Variants in PABPC4L observed in about 807,000 individuals in gnomAD.
PABPC4L encodes polyadenylate-binding protein 4-like.
For missense variants in PABPC4L, 452 were observed against 451.4 expected, an observed-to-expected ratio of 1.00 and a Z score of -0.01; for synonymous variants, 169 against 164.1, an observed-to-expected ratio of 1.03 and a Z score of -0.23.
chr4:134,090,277 T>C, the PABPC4L span, among the ~76,000 whole-genome samples: 1 of 152,186 alleles, frequency 6.6e-6, no homozygotes, highest in African/African-American at 2.4e-5. Context: ...CTTAATTGTT[T>C]GGTGTCTTGT....
the PABPC4L span, among the ~76,000 whole-genome samples, chr4:134,144,516 G>A: frequency 6.7e-6 from 1 of 149,122 alleles, no homozygotes; most frequent in Non-Finnish European, 1.5e-5. Context: ...TCCGACTGAA[G>A]CAGGGACACA....
chr4:133,980,991 T>C, the PABPC4L span, among the ~76,000 whole-genome samples: 1 of 151,878 alleles, frequency 6.6e-6, no homozygotes, highest in Non-Finnish European at 1.5e-5. Context: ...TGAAACCCCA[T>C]CTCTAATAAA....
the PABPC4L span, among the ~76,000 whole-genome samples, chr4:134,149,213 C>T: frequency 2.0e-5 from 3 of 152,174 alleles, no homozygotes; most frequent in Middle Eastern, 0.01. Context: ...AACACATACC[C>T]GTTCCCAAGT....
At chr4:134,092,059 T>C in the PABPC4L span, among the ~76,000 whole-genome samples, 2 of 152,008 alleles carry the variant, frequency 1.3e-5, no homozygotes, top group African/African-American at 4.8e-5. Flanking sequence ...TTATGGAGCA[T>C]TGAGACTGTT....
At chr4:133,985,941 C>A in the PABPC4L span, among the ~76,000 whole-genome samples, 1 of 152,012 alleles carries the variant, frequency 6.6e-6, no homozygotes, top group Non-Finnish European at 1.5e-5. Context: ...TGAATAATGT[C>A]AAGCTCAGTA....
the PABPC4L span, among the ~76,000 whole-genome samples, chr4:133,996,428 G>A: frequency 4.6e-5 from 7 of 152,070 alleles, no homozygotes; most frequent in East Asian, 3.9e-4. Context: ...CCTGCGAGAC[G>A]AAGGCTCCAC....
the PABPC4L span, among the ~76,000 whole-genome samples, chr4:134,104,865 A>G: frequency 6.6e-6 from 1 of 151,804 alleles, no homozygotes; most frequent in African/African-American, 2.4e-5. Context: ...TATTTGTTAT[A>G]CAGAAGCAAA....
At chr4:134,189,383 TTGACAGGCA>T in the PABPC4L span, among the ~76,000 whole-genome samples, 2 of 151,584 alleles carry the variant, frequency 1.3e-5, no homozygotes, top group African/African-American at 2.4e-5. Flanking sequence ...ATCTTTTTTG[TTGACAGGCA>T]GATGTGTGTA....
the PABPC4L span, among the ~76,000 whole-genome samples, chr4:134,080,172 G>A: frequency 1.3e-5 from 2 of 151,854 alleles, no homozygotes; most frequent in Non-Finnish European, 2.9e-5. Flanking sequence ...CCTTAAATTT[G>A]CATCTATTTT....
At chr4:134,149,164 G>A in the PABPC4L span, among the ~76,000 whole-genome samples, 2 of 152,064 alleles carry the variant, frequency 1.3e-5, no homozygotes, top group Non-Finnish European at 2.9e-5. Flanking sequence ...TAACCTTTGA[G>A]TAGAATTGCT....
the PABPC4L span, among the ~76,000 whole-genome samples, chr4:134,121,493 T>C: frequency 6.6e-6 from 1 of 151,642 alleles, no homozygotes; most frequent in Non-Finnish European, 1.5e-5. Context: ...ATTGAGATGG[T>C]TCGGAGCTAA....
At chr4:134,017,249 C>G in the PABPC4L span, among the ~76,000 whole-genome samples, 3 of 152,100 alleles carry the variant, frequency 2.0e-5, no homozygotes, top group African/African-American at 4.8e-5. Context: ...AAAAGGACTA[C>G]ACAATACTTT....
chr4:134,150,744 T>A, the PABPC4L span, among the ~76,000 whole-genome samples: 1 of 152,300 alleles, frequency 6.6e-6, no homozygotes, highest in African/African-American at 2.4e-5. Flanking sequence ...TCATGGGATT[T>A]GTGTTAAAGT....
At position 134,200,291 on chromosome 4, in the gene PABPC4L, G is replaced by A; in HGVS notation, c.729C>T (p.Ala243=). 6.3e-7 allele frequency: 1 copy of A among 1,576,238 alleles called. No homozygotes were observed. ...GFVSFDSHEA[A]KKAVEEMNGR... is the part of the protein sequence containing the mutation. Reference sequence around the variant, plus strand: ...CATTCATTTCTTCAACAGCTTTCTTGGCAGCCTCATGGCTATCAAAACTCA... The same window carrying A: ...CATTCATTTCTTCAACAGCTTTCTTAGCAGCCTCATGGCTATCAAAACTCA... Residue 243 remains alanine, a synonymous_variant, in exon 2 of 2, where the codon GCC becomes GCT. Transcript: ENST00000421491.
the PABPC4L span, among the ~76,000 whole-genome samples, chr4:134,135,360 A>T: frequency 6.6e-6 from 1 of 152,116 alleles, no homozygotes; most frequent in East Asian, 1.9e-4. Context: ...GTACTTTCTG[A>T]AACAGTCTTT....
chr4:133,954,230 C>T, the PABPC4L span, among the ~76,000 whole-genome samples: 54 of 152,208 alleles, frequency 3.5e-4, no homozygotes, highest in Non-Finnish European at 6.2e-4. Context: ...AGACATATGT[C>T]GGGGGAAAGC....
chr4:134,003,723 A>G, the PABPC4L span, among the ~76,000 whole-genome samples: 1 of 151,944 alleles, frequency 6.6e-6, no homozygotes, highest in African/African-American at 2.4e-5. Context: ...GTAACCGTCA[A>G]TGACAATAGA....
the PABPC4L span, among the ~76,000 whole-genome samples, chr4:133,958,481 C>A: frequency 6.9e-3 from 1,044 of 152,320 alleles, 13 homozygotes; most frequent in African/African-American, 0.024. Context: ...TTCAAAGTTA[C>A]TTCTACATTT....
chr4:134,037,106 G>T, the PABPC4L span, among the ~76,000 whole-genome samples: 1 of 150,762 alleles, frequency 6.6e-6, no homozygotes, highest in Non-Finnish European at 1.5e-5. Flanking sequence ...TATTATTTTC[G>T]TATAGGATTG....
Sources: allele counts gnomAD v4.1 joint callset (sites outside exome capture counted in the v4.1 genomes callset), GRCh38; gene constraint gnomAD v4.1.1; transcripts MANE v1.5; gene names NCBI Gene and HGNC (gene_info 2026-07-23, HGNC 2026-07-21).